The following FAM174B variants were observed in gnomAD, a reference collection of about 807,000 sequenced individuals.
The protein encoded by FAM174B is family with sequence similarity 174 member B.
A neutral mutation model predicts 10.9 loss-of-function variants in FAM174B; 12 were observed. The observed-to-expected ratio is 1.10, with a 90% confidence interval of 0.71 to 1.79. FAM174B has a LOEUF of 1.79. Among genes scored for constraint, FAM174B ranks in the 40% most tolerant of loss-of-function variants. FAM174B has a pLI of 0.00. For missense variants in FAM174B, 266 were observed against 233.3 expected, an observed-to-expected ratio of 1.14 and a Z score of -0.91; for synonymous variants, 132 against 115.8, an observed-to-expected ratio of 1.14 and a Z score of -0.90.
intron 1 of FAM174B, among the ~76,000 whole-genome samples, chr15:92,632,088 G>A (rs1396685922): frequency 6.6e-6 from 1 of 152,190 alleles, no homozygotes; most frequent in African/African-American, 2.4e-5. Flanking sequence ...GTCACTATTA[G>A]GGATGATAAA....
At chr15:92,632,056 A>G (rs2050822805) in intron 1 of FAM174B, among the ~76,000 whole-genome samples, 1 of 151,730 alleles carries the variant, frequency 6.6e-6, no homozygotes, top group African/African-American at 2.4e-5. Context: ...TTAAGCCTGC[A>G]CACAGCAGGC....
intron 2 of FAM174B, among the ~76,000 whole-genome samples, chr15:92,628,976 A>G (rs1430798977): frequency 6.6e-6 from 1 of 152,214 alleles, no homozygotes; most frequent in East Asian, 1.9e-4. Context: ...AAGTCAATGT[A>G]AAAGTGCTGA....
At chr15:92,635,159 CCACACACACCCACACACACACA>C (rs1415006040) in intron 1 of FAM174B, among the ~76,000 whole-genome samples, 5 of 20,868 alleles carry the variant, frequency 2.4e-4, no homozygotes, top group Admixed American at 6.5e-4. Context: ...CACTATCTCT[CCACACACACCCACACACACACA>C]CACACACACA....
At chr15:92,649,814 T>G (rs372136576) in intron 1 of FAM174B, among the ~76,000 whole-genome samples, 3 of 152,240 alleles carry the variant, frequency 2.0e-5, no homozygotes, top group Non-Finnish European at 4.4e-5. Flanking sequence ...CTCTACTCTC[T>G]TTTTTAAAGA....
chr15:92,638,254 C>T (rs561297098), intron 1 of FAM174B, among the ~76,000 whole-genome samples: 45 of 152,306 alleles, frequency 3.0e-4, no homozygotes, highest in African/African-American at 1.0e-3. Context: ...AGATAAAGCA[C>T]CCTTCCATCC....
intron 1 of FAM174B, among the ~76,000 whole-genome samples, chr15:92,650,143 C>T (rs759836782): frequency 9.2e-5 from 14 of 152,100 alleles, no homozygotes; most frequent in Non-Finnish European, 1.5e-4. Flanking sequence ...AAGTATTAAG[C>T]TTTTATATTT....
At chr15:92,629,397 A>G (rs1173112551) in intron 2 of FAM174B, among the ~76,000 whole-genome samples, 1 of 152,172 alleles carries the variant, frequency 6.6e-6, no homozygotes, top group African/African-American at 2.4e-5. Flanking sequence ...GCCTTTAAGA[A>G]ACACACCTGC....
At chr15:92,642,927 A>G (rs990841929) in intron 1 of FAM174B, among the ~76,000 whole-genome samples, 1 of 152,232 alleles carries the variant, frequency 6.6e-6, no homozygotes, top group Non-Finnish European at 1.5e-5. Context: ...GCTATTCACA[A>G]AAGACCACAC....
chr15:92,640,644 T>A (rs533868269), intron 1 of FAM174B, among the ~76,000 whole-genome samples: 4 of 151,348 alleles, frequency 2.6e-5, no homozygotes, highest in Admixed American at 2.0e-4. Flanking sequence ...TTGGTTTTTG[T>A]TTTTTGGTTT....
chr15:92,629,430 C>G (rs1233863750), intron 2 of FAM174B, among the ~76,000 whole-genome samples: 2 of 152,190 alleles, frequency 1.3e-5, no homozygotes, highest in East Asian at 3.9e-4. Flanking sequence ...TCGGTAAACT[C>G]CATCCAAGCA....
intron 2 of FAM174B, among the ~76,000 whole-genome samples, chr15:92,622,105 T>A (rs1426510915): frequency 6.6e-6 from 1 of 152,192 alleles, no homozygotes; most frequent in Non-Finnish European, 1.5e-5. Context: ...ATGCAAACTC[T>A]GTACCGCTGC....
chr15:92,635,403 G>A (rs570110530), intron 1 of FAM174B, among the ~76,000 whole-genome samples: 6 of 152,098 alleles, frequency 3.9e-5, no homozygotes, highest in Non-Finnish European at 7.4e-5. Flanking sequence ...GGATAAAACT[G>A]AGACTGCTGA....
At position 92,620,292 on chromosome 15, in the gene FAM174B, A is replaced by T. The variant is rs532160105; in HGVS notation, c.477-833T>A. ...GGCGGATGGATCACAAGGTCAGGAG[A>T]TCGCGACCATCCTGGCTAACATGGT... is the stretch of plus-strand genomic sequence containing the variant. On this transcript the variant is annotated intron_variant, in intron 2 of 2. Transcript: ENST00000327355. Among the ~76,000 whole-genome samples the T allele has an allele frequency of 7.2e-5, 11 of 152,270 alleles. No homozygotes were observed. In the South Asian group the frequency reaches 2.3e-3, roughly 32 times the overall value.
chr15:92,633,051 C>T (rs1400666696), intron 1 of FAM174B, among the ~76,000 whole-genome samples: 4 of 152,142 alleles, frequency 2.6e-5, no homozygotes, highest in Non-Finnish European at 5.9e-5. Flanking sequence ...TTCCTAACTG[C>T]TTTATATTCA....
In FAM174B at chr15:92,644,105, C is replaced by T. The variant is rs190084546; in HGVS notation, c.344+11211G>A. ...AGAGCTTCCCCCAGAAAACCAGCTA[C>T]ACTTGAAGAAATGAAGAACATGACT... On this transcript the variant is annotated intron_variant, in intron 1 of 2. Coordinates refer to ENST00000327355, the MANE Select transcript of FAM174B (RefSeq NM_207446.3). Among the ~76,000 whole-genome samples, 11 of 152,252 alleles carry T rather than the reference C, an allele frequency of 7.2e-5. No individual in the cohort carries two copies. In the East Asian group the frequency reaches 2.1e-3, roughly 29 times the overall value.
intron 1 of FAM174B, among the ~76,000 whole-genome samples, chr15:92,648,257 T>C (rs1277840190): frequency 6.6e-6 from 1 of 152,198 alleles, no homozygotes; most frequent in African/African-American, 2.4e-5. Flanking sequence ...TGGTCACTCA[T>C]ATTGGCTCAC....
rs868260374 is a variant in FAM174B, at chr15:92,630,965, A to G, written c.345-620T>C. ...TTATATATTATATATTACGTATTACATATTACATATTATATATTATATATT... is the reference window on the plus strand; with the variant it reads ...TTATATATTATATATTACGTATTACGTATTACATATTATATATTATATATT... On this transcript the variant is annotated intron_variant, in intron 1 of 2. Transcript: ENST00000327355. Among the ~76,000 whole-genome samples, 14 of 2,904 alleles carry G rather than the reference A, an allele frequency of 4.8e-3. 2 individuals carry two copies. The highest frequency in any genetic ancestry group is 7.6e-3 in the Non-Finnish European group (13 of 1,706). 1.9% of individuals were successfully genotyped at this position (2,904 alleles called of 152,430 possible).
intron 1 of FAM174B, among the ~76,000 whole-genome samples, chr15:92,631,328 A>T (rs12438112): frequency 1.6e-3 from 3 of 1,920 alleles, no homozygotes; most frequent in South Asian, 0.042. Flanking sequence ...TATTATATAT[A>T]ATATATTATA....
At chr15:92,635,169 C>CACACA (rs2050846736) in intron 1 of FAM174B, among the ~76,000 whole-genome samples, 4 of 10,774 alleles carry the variant, frequency 3.7e-4, no homozygotes, top group African/African-American at 6.2e-4. Context: ...CCACACACAC[C>CACACA]CACACACACA....
Sources: gnomAD v4.1 joint callset for allele counts (sites outside exome capture counted in the v4.1 genomes callset) on GRCh38, gnomAD v4.1.1 for gene constraint, MANE v1.5 for transcripts, NCBI Gene and HGNC (gene_info 2026-07-23, HGNC 2026-07-21) for gene names.